Variants in SLC10A7 observed in about 807,000 individuals in gnomAD.
The protein encoded by SLC10A7 is solute carrier family 10 member 7, also known as sodium/bile acid cotransporter 7.
In SLC10A7, 29 loss-of-function variants were observed where a neutral mutation model predicts 43.2. The observed-to-expected ratio is 0.67, with a 90% CI of 0.50 to 0.92. The LOEUF (loss-of-function observed/expected upper bound fraction) is 0.92, where lower values mean the gene tolerates loss of function less well. Among genes scored for constraint, SLC10A7 ranks in the 40% least tolerant of loss-of-function variants. The pLI is 0.00. For synonymous variants in SLC10A7, 152 were observed against 144.8 expected, an observed-to-expected ratio of 1.05 and a Z score of -0.35; for missense variants, 295 against 403.2, an observed-to-expected ratio of 0.73 and a Z score of 2.30.
intron 2 of SLC10A7, chr4:146,515,003 C>T (rs1459782706): frequency 9.8e-6 from 6 of 613,458 alleles, no homozygotes; most frequent in Non-Finnish European, 1.8e-5. Context: ...TCATTAGATC[C>T]AAATTAGCTG....
chr4:146,438,064 T>C (rs1350324740), intron 5 of SLC10A7, among the ~76,000 whole-genome samples: 4 of 152,060 alleles, frequency 2.6e-5, no homozygotes, highest in Non-Finnish European at 4.4e-5. Context: ...GTTATTATTA[T>C]TAAAACATGG....
chr4:146,315,940 C>T (rs1578863620), intron 6 of SLC10A7, among the ~76,000 whole-genome samples: 1 of 152,114 alleles, frequency 6.6e-6, no homozygotes, highest in African/African-American at 2.4e-5. Context: ...CTTTCTATTG[C>T]CCTCCTTCCA....
At chr4:146,290,561 G>A (rs1004297752) in intron 9 of SLC10A7, among the ~76,000 whole-genome samples, 1 of 152,088 alleles carries the variant, frequency 6.6e-6, no homozygotes, top group Non-Finnish European at 1.5e-5. Context: ...AGTCAAGGAA[G>A]TTAAAAACCT....
At chr4:146,510,738 A>G (rs1028887818) in intron 2 of SLC10A7, among the ~76,000 whole-genome samples, 1 of 152,222 alleles carries the variant, frequency 6.6e-6, no homozygotes, top group African/African-American at 2.4e-5. Context: ...AATCTTTTCA[A>G]AAAAACCTTA....
intron 5 of SLC10A7, among the ~76,000 whole-genome samples, chr4:146,331,126 T>A (rs1331953233): frequency 6.6e-6 from 1 of 152,152 alleles, no homozygotes; most frequent in Non-Finnish European, 1.5e-5. Context: ...CCACTGTTCC[T>A]CTTAGGGCAG....
chr4:146,521,351 TC>T (rs1035364497), intron 1 of SLC10A7, among the ~76,000 whole-genome samples: 4 of 152,138 alleles, frequency 2.6e-5, no homozygotes, highest in Non-Finnish European at 4.4e-5. Context: ...TAAGTTTCAT[TC>T]TCTGTAACCT....
chr4:146,521,377 C>G (rs899580507), intron 1 of SLC10A7, among the ~76,000 whole-genome samples: 6 of 152,166 alleles, frequency 3.9e-5, no homozygotes, highest in East Asian at 1.9e-4. Context: ...TCTTGACACT[C>G]AGGATAGTCA....
intron 6 of SLC10A7, among the ~76,000 whole-genome samples, chr4:146,315,557 A>G (rs1298656419): frequency 6.6e-6 from 1 of 152,160 alleles, no homozygotes; most frequent in African/African-American, 2.4e-5. Context: ...ATTTTCTTTC[A>G]GTAGAAAATT....
intron 4 of SLC10A7, among the ~76,000 whole-genome samples, chr4:146,502,334 A>G (rs1489498912): frequency 6.6e-6 from 1 of 152,204 alleles, no homozygotes; most frequent in Non-Finnish European, 1.5e-5. Context: ...CCACTTTAAA[A>G]AATAGTTTGG....
At position 146,349,786 on chromosome 4, in the gene SLC10A7, G is replaced by C. The variant is rs115111877; in HGVS notation, c.436-23790C>G. ...CACTTACAAGCGGAACCTAGATATT[G>C]GGTTCTCATGGACATAAAAATGGCA... On this transcript the variant is annotated intron_variant, in intron 5 of 11. Coordinates refer to ENST00000335472, the MANE Select transcript of SLC10A7 (RefSeq NM_001029998.6). 5.3e-3 allele frequency among the ~76,000 whole-genome samples: 801 copies of C among 152,208 alleles called. 7 individuals carry two copies. The highest frequency in any genetic ancestry group is 0.019 in the African/African-American group (777 of 41,520).
intron 4 of SLC10A7, among the ~76,000 whole-genome samples, chr4:146,477,464 T>G (rs1734126725): frequency 6.6e-6 from 1 of 152,232 alleles, no homozygotes; most frequent in Non-Finnish European, 1.5e-5. Context: ...TACTCATCCC[T>G]TGCATAAATT....
At chr4:146,274,885 TAAG>T (rs1305283315) in intron 10 of SLC10A7, among the ~76,000 whole-genome samples, 1 of 152,180 alleles carries the variant, frequency 6.6e-6, no homozygotes, top group Admixed American at 6.5e-5. Flanking sequence ...TGGCCAGTCT[TAAG>T]TAAGAAAAAC....
intron 5 of SLC10A7, among the ~76,000 whole-genome samples, chr4:146,407,544 GA>G (rs1399593143): frequency 1.3e-5 from 2 of 152,100 alleles, no homozygotes; most frequent in Non-Finnish European, 2.9e-5. Context: ...CCACATTCCA[GA>G]AGTTTCATTA....
chr4:146,325,934 TA>T (rs1560800233), intron 6 of SLC10A7, 26 bp downstream of exon 6: 4 of 1,597,710 alleles, frequency 2.5e-6, no homozygotes, highest in Admixed American at 3.4e-5. Context: ...TAATAAAATA[TA>T]TTAAAGACAA....
chr4:146,327,747 C>T (rs901210539), intron 5 of SLC10A7, among the ~76,000 whole-genome samples: 4 of 152,190 alleles, frequency 2.6e-5, no homozygotes, highest in Non-Finnish European at 4.4e-5. Flanking sequence ...CTGCTGCGAC[C>T]GGCGCTGCCA....
intron 10 of SLC10A7, among the ~76,000 whole-genome samples, chr4:146,263,978 C>A (rs1236711333): frequency 6.6e-6 from 1 of 152,220 alleles, no homozygotes; most frequent in Non-Finnish European, 1.5e-5. Flanking sequence ...TAATGTACAG[C>A]ATGCCATATT....
At chr4:146,398,952 C>G (rs147396193) in intron 5 of SLC10A7, among the ~76,000 whole-genome samples, 1 of 152,152 alleles carries the variant, frequency 6.6e-6, no homozygotes, top group Non-Finnish European at 1.5e-5. Flanking sequence ...GACAAGGACC[C>G]GACTCTCTAG....
chr4:146,303,088 G>GT (rs1359281011), intron 7 of SLC10A7, among the ~76,000 whole-genome samples: 1 of 152,206 alleles, frequency 6.6e-6, no homozygotes, highest in Non-Finnish European at 1.5e-5. Flanking sequence ...AGGGAAGCCA[G>GT]TATCTAATGA....
intron 6 of SLC10A7, among the ~76,000 whole-genome samples, chr4:146,314,245 A>G (rs892465010): frequency 2.6e-5 from 4 of 152,186 alleles, no homozygotes; most frequent in African/African-American, 9.6e-5. Flanking sequence ...AATAAAAATT[A>G]TCCTACCCCA....
Sources: gnomAD v4.1 joint callset for allele counts (sites outside exome capture counted in the v4.1 genomes callset) on GRCh38, gnomAD v4.1.1 for gene constraint, MANE v1.5 for transcripts, NCBI Gene and HGNC (gene_info 2026-07-23, HGNC 2026-07-21) for gene names.